The following DCHS2 variants were observed in gnomAD, a reference collection of about 807,000 sequenced individuals.
DCHS2 encodes dachsous cadherin-related 2.
A neutral mutation model predicts 182.4 loss-of-function variants in DCHS2; 142 were observed. The observed-to-expected ratio is 0.78, with a 90% CI of 0.68 to 0.89. The LOEUF is 0.89. DCHS2 is among the 40% of genes least tolerant of loss of function. The pLI, the probability that DCHS2 is intolerant of heterozygous loss-of-function variation, is 0.00. For synonymous variants in DCHS2, 1,740 were observed against 1,663.3 expected (o/e 1.05, Z -1.12); for missense variants, 4,319 against 4,198.6 (o/e 1.03, Z -0.79).
At chr4:154,443,017 C>A (rs1013581652) in intron 1 of DCHS2, among the ~76,000 whole-genome samples, 1 of 152,060 alleles carries the variant, frequency 6.6e-6, no homozygotes, top group Non-Finnish European at 1.5e-5. Context: ...CTTTCCCTTT[C>A]TTTGACCACC....
At chr4:154,250,621 G>A (rs1181774841) in intron 16 of DCHS2, among the ~76,000 whole-genome samples, 1 of 151,978 alleles carries the variant, frequency 6.6e-6, no homozygotes, top group Admixed American at 6.6e-5. Context: ...TTTCTTGCTC[G>A]ATAAATTCAA....
chr4:154,252,448 T>C (rs1732416606), intron 16 of DCHS2, among the ~76,000 whole-genome samples: 1 of 152,152 alleles, frequency 6.6e-6, no homozygotes, highest in African/African-American at 2.4e-5. Flanking sequence ...AACTATATTT[T>C]GTAATCTTTA....
At chr4:154,277,838 C>A (rs566172374) in intron 13 of DCHS2, among the ~76,000 whole-genome samples, 3 of 151,992 alleles carry the variant, frequency 2.0e-5, no homozygotes, top group Non-Finnish European at 4.4e-5. Context: ...GTCAGGAGTT[C>A]AAGACCAGCC....
Position 154,490,833 on chromosome 4 carries a change from C to T in DCHS2, c.523G>A (p.Asp175Asn), listed in dbSNP as rs957636598. ...PRFPLDSLQL[D>N]VSELSPPGTA... ...CCTGGCGGGCTGAGCTCGGAGACGT[C>T]GAGTTGCAGGGAGTCGAGGGGAAAG... The change falls in exon 1 of 20, where the codon GAC becomes AAC. Residue 175 changes from aspartate to asparagine, a missense_variant. Transcript: ENST00000357232. 6.4e-7 allele frequency: 1 copy of T among 1,551,600 alleles called. No individual in the cohort carries two copies.
intron 13 of DCHS2, among the ~76,000 whole-genome samples, chr4:154,293,311 T>C (rs1355280791): frequency 6.6e-6 from 1 of 152,032 alleles, no homozygotes; most frequent in Non-Finnish European, 1.5e-5. Flanking sequence ...CAAGCGATTC[T>C]CCCGGATTAC....
chr4:154,304,444 A>T (rs972993414), intron 12 of DCHS2, among the ~76,000 whole-genome samples: 3 of 152,120 alleles, frequency 2.0e-5, no homozygotes, highest in Non-Finnish European at 4.4e-5. Context: ...CAGGTATCAA[A>T]CACAGAGTAA....
At chr4:154,325,786 C>A (rs1177608567) in intron 7 of DCHS2, among the ~76,000 whole-genome samples, 1 of 152,124 alleles carries the variant, frequency 6.6e-6, no homozygotes, top group Non-Finnish European at 1.5e-5. Flanking sequence ...GGCATAGAAA[C>A]ATCAGAGAAG....
rs758627347 is a variant in DCHS2, at chr4:154,269,942, T to TA, written c.6534dup (p.Ser2179Ter). 291 of 1,612,594 alleles carry TA rather than the reference T, an allele frequency of 1.8e-4. 1 individual carries two copies. The highest frequency in any genetic ancestry group is 2.3e-4 in the Non-Finnish European group (276 of 1,179,220). ...GAAAGAACTCCATCTTCATTTCCAC[T>TA]AAAAATTGAATATTTCATGCTGTCC... On this transcript the variant is annotated frameshift_variant, in exon 14 of 20. Coordinates refer to ENST00000357232, the MANE Select transcript of DCHS2 (RefSeq NM_001358235.2). LOFTEE classifies it high-confidence loss of function.
At chr4:154,256,501 G>A (rs1413948797) in intron 15 of DCHS2, among the ~76,000 whole-genome samples, 2 of 152,060 alleles carry the variant, frequency 1.3e-5, no homozygotes, top group African/African-American at 2.4e-5. Context: ...GCTAAGAAGT[G>A]TAGATCCTAA....
chr4:154,325,732 T>C (rs1402281380), intron 7 of DCHS2, among the ~76,000 whole-genome samples: 3 of 152,110 alleles, frequency 2.0e-5, no homozygotes, highest in Non-Finnish European at 4.4e-5. Context: ...TCCTGAGAAC[T>C]TGGGAAGACA....
intron 1 of DCHS2, among the ~76,000 whole-genome samples, chr4:154,464,934 C>A (rs745471584): frequency 7.2e-5 from 11 of 152,164 alleles, no homozygotes; most frequent in Non-Finnish European, 1.5e-4. Context: ...GAAAAGAGAT[C>A]TTTCTACCTC....
At chr4:154,259,404 T>C (rs1732858740) in intron 15 of DCHS2, 141 bp downstream of exon 15, 1 of 1,421,224 alleles carries the variant, frequency 7.0e-7, no homozygotes, top group Non-Finnish European at 9.2e-7. Flanking sequence ...CTATAAAATG[T>C]ACATGGCCTG....
chr4:154,333,898 C>G (rs552094663), intron 4 of DCHS2: 2 of 186,272 alleles, frequency 1.1e-5, no homozygotes, highest in Non-Finnish European at 2.3e-5. Context: ...TCGTTAAGGA[C>G]GCATGATTGT....
At position 154,490,826 on chromosome 4, in the gene DCHS2, G is replaced by C; in HGVS notation, c.530C>G (p.Ser177Cys). ...GGCGGTCCCTGGCGGGCTGAGCTCG[G>C]AGACGTCGAGTTGCAGGGAGTCGAG... ...FPLDSLQLDV[S>C]ELSPPGTAFR... The change falls in exon 1 of 20, where the codon TCC (serine) becomes TGC (cysteine). Residue 177 changes from serine (S) to cysteine (C), a missense_variant. Ser to Cys is a moderately radical substitution (Grantham distance 112). Transcript: ENST00000357232. The C allele has an allele frequency of 6.4e-7, 1 of 1,551,596 alleles. No homozygotes were observed. Among genetic ancestry groups the C allele is most frequent in the Non-Finnish European group, 8.7e-7 (1 of 1,146,948 alleles).
intron 3 of DCHS2, among the ~76,000 whole-genome samples, chr4:154,357,573 G>T (rs1561065320): frequency 6.6e-6 from 1 of 152,144 alleles, no homozygotes; most frequent in East Asian, 1.9e-4. Context: ...AAAATCCCCA[G>T]CAAGCTTTTG....
chr4:154,327,000 C>A (rs2111349714), intron 7 of DCHS2, among the ~76,000 whole-genome samples: 1 of 152,022 alleles, frequency 6.6e-6, no homozygotes, highest in South Asian at 2.1e-4. Flanking sequence ...TTGAGTCTTC[C>A]CAAGCATGAA....
chr4:154,274,945 C>G (rs1733769309), intron 13 of DCHS2, among the ~76,000 whole-genome samples: 1 of 151,948 alleles, frequency 6.6e-6, no homozygotes, highest in Non-Finnish European at 1.5e-5. Flanking sequence ...GCTGAGCCAT[C>G]TCATTGAACC....
At position 154,452,649 on chromosome 4, in the gene DCHS2, C is replaced by CAA. The variant is rs70947168; in HGVS notation, c.2052+36653_2052+36654dup. On this transcript the variant is annotated intron_variant, in intron 1 of 19. Coordinates refer to ENST00000357232, the MANE Select transcript of DCHS2 (RefSeq NM_001358235.2). ...AAAAACAAACAAACAAACAAAAAAA[C>CAA]AAAAAAAAACTGTTAAAGGTTGAGT... 2.2e-4 allele frequency among the ~76,000 whole-genome samples: 33 copies of CAA among 150,614 alleles called. No homozygotes were observed. The East Asian group carries it at 2.5e-3, about 12-fold the overall frequency.
In DCHS2 at chr4:154,320,904, C is replaced by A. The variant is rs1456066054; in HGVS notation, c.4495G>T (p.Asp1499Tyr). Reference protein sequence around the residue: ...SLSSTVFLSIDVEDQNDHSPS... With the variant: ...SLSSTVFLSIYVEDQNDHSPS... ...GAATGGTCATTCTGATCTTCCACATCGATACTAAGGAAGACTGTGCTACTC... is the reference window on the plus strand; with the variant it reads ...GAATGGTCATTCTGATCTTCCACATAGATACTAAGGAAGACTGTGCTACTC... Residue 1499 changes from aspartate to tyrosine, a missense_variant, in exon 9 of 20, where the codon GAT (aspartate) becomes TAT (tyrosine). Coordinates refer to ENST00000357232, the MANE Select transcript of DCHS2 (RefSeq NM_001358235.2). 6.2e-7 allele frequency: 1 copy of A among 1,613,898 alleles called. No homozygotes were observed. Among genetic ancestry groups the A allele is most frequent in the Admixed American group, 1.7e-5 (1 of 59,972 alleles).
Sources: gnomAD v4.1 joint callset for allele counts (sites outside exome capture counted in the v4.1 genomes callset) on GRCh38, gnomAD v4.1.1 for gene constraint, MANE v1.5 for transcripts, NCBI Gene and HGNC (gene_info 2026-07-23, HGNC 2026-07-21) for gene names.